Variants in KLF12 observed in about 807,000 individuals in gnomAD.
KLF12 encodes KLF transcription factor 12.
Under a neutral mutation model 37.8 loss-of-function variants are expected in KLF12, and 9 were observed. That is an observed-to-expected ratio of 0.24 (90% CI 0.14 to 0.42). The LOEUF (loss-of-function observed/expected upper bound fraction) is 0.42. Ranked by LOEUF, KLF12 falls within the 10% of genes least tolerant of loss-of-function variation. The pLI is 1.00. For missense variants in KLF12, 411 were observed against 516.0 expected (o/e 0.80, Z 1.97); for synonymous variants, 208 against 202.1 (o/e 1.03, Z -0.25).
the KLF12 span, among the ~76,000 whole-genome samples, chr13:74,189,371 C>G: frequency 6.6e-6 from 1 of 152,146 alleles, no homozygotes; most frequent in Admixed American, 6.5e-5. Flanking sequence ...ACGTCTATAT[C>G]TGGTACACGT....
At chr13:74,100,296 A>G (rs1216484313) in intron 1 of KLF12, among the ~76,000 whole-genome samples, 1 of 152,222 alleles carries the variant, frequency 6.6e-6, no homozygotes, top group African/African-American at 2.4e-5. Context: ...AATTGGAAAA[A>G]TAAGTATGAA....
At chr13:73,877,022 AAAAAG>A (rs1347910398) in intron 3 of KLF12, among the ~76,000 whole-genome samples, 3 of 152,146 alleles carry the variant, frequency 2.0e-5, no homozygotes, top group East Asian at 1.9e-4. Context: ...CAAAAAAAAA[AAAAAG>A]AAAAGAAAAG....
the KLF12 span, among the ~76,000 whole-genome samples, chr13:74,300,276 A>G: frequency 6.6e-6 from 1 of 152,214 alleles, no homozygotes; most frequent in East Asian, 1.9e-4. Flanking sequence ...TTCCTGACTC[A>G]TACATCTATC....
At position 73,777,487 on chromosome 13, in the gene KLF12, T is replaced by C. The variant is rs527849644; in HGVS notation, c.807-12487A>G. The stretch of plus-strand genomic sequence containing the variant: ...AGTTTGGGAGGCTGAAGGAGGCAGA[T>C]CACCTGAGGTTGGGAGTTCAAGACC... On this transcript the variant is annotated intron_variant, in intron 5 of 7. Coordinates refer to ENST00000377669, the MANE Select transcript of KLF12 (RefSeq NM_007249.5). Among the ~76,000 whole-genome samples, 452 of 152,214 alleles carry C rather than the reference T, an allele frequency of 3.0e-3. 4 individuals are homozygous for C. The highest frequency in any genetic ancestry group is 0.01 in the Middle Eastern group (3 of 292).
chr13:74,233,095 G>A, the KLF12 span, among the ~76,000 whole-genome samples: 1 of 152,132 alleles, frequency 6.6e-6, no homozygotes, highest in Admixed American at 6.5e-5. Flanking sequence ...ATGTTAGCCA[G>A]GATGGTCTTG....
chr13:73,976,969 C>T (rs562048256), intron 2 of KLF12, among the ~76,000 whole-genome samples: 42 of 151,594 alleles, frequency 2.8e-4, no homozygotes, highest in African/African-American at 9.4e-4. Flanking sequence ...TCAGTAAGGT[C>T]GCAGAAATTT....
chr13:73,936,233 C>T (rs1037630858), intron 3 of KLF12, among the ~76,000 whole-genome samples: 2 of 152,136 alleles, frequency 1.3e-5, no homozygotes, highest in African/African-American at 4.8e-5. Flanking sequence ...CTTTGGAGTG[C>T]ATTTTTGTTC....
chr13:73,801,166 T>C (rs991296157), intron 5 of KLF12: 3 of 152,148 alleles, frequency 2.0e-5, no homozygotes, highest in African/African-American at 7.2e-5. Context: ...GAATGTGTCC[T>C]TCACTTTTTT....
At chr13:74,027,345 T>C (rs1398320577) in intron 1 of KLF12, among the ~76,000 whole-genome samples, 1 of 152,188 alleles carries the variant, frequency 6.6e-6, no homozygotes, top group Admixed American at 6.5e-5. Flanking sequence ...ATCATCTAAT[T>C]CTACAGCTCA....
At chr13:74,194,541 C>T in the KLF12 span, among the ~76,000 whole-genome samples, 2 of 152,084 alleles carry the variant, frequency 1.3e-5, no homozygotes, top group Non-Finnish European at 2.9e-5. Context: ...TTCTTCAAAC[C>T]CTTTCATAAA....
chr13:74,177,432 C>A, the KLF12 span, among the ~76,000 whole-genome samples: 5 of 152,130 alleles, frequency 3.3e-5, no homozygotes, highest in Admixed American at 3.3e-4. Context: ...ACCTAGCAAG[C>A]AGTTCAGTGA....
At chr13:73,833,152 T>C (rs1309189499) in intron 4 of KLF12, among the ~76,000 whole-genome samples, 1 of 152,196 alleles carries the variant, frequency 6.6e-6, no homozygotes, top group Admixed American at 6.5e-5. Context: ...GCAGATTCTA[T>C]TAATTGCCTG....
chr13:73,858,913 T>G (rs1442252310), intron 3 of KLF12, among the ~76,000 whole-genome samples: 1 of 152,214 alleles, frequency 6.6e-6, no homozygotes, highest in Non-Finnish European at 1.5e-5. Flanking sequence ...AAATAAGTGT[T>G]ATAAAGACTG....
chr13:74,212,303 T>A, the KLF12 span, among the ~76,000 whole-genome samples: 1 of 152,172 alleles, frequency 6.6e-6, no homozygotes, highest in South Asian at 2.1e-4. Flanking sequence ...TGGGAAGAAA[T>A]GTTACCAACT....
At chr13:73,883,921 G>C (rs1257849535) in intron 3 of KLF12, among the ~76,000 whole-genome samples, 1 of 152,144 alleles carries the variant, frequency 6.6e-6, no homozygotes, top group African/African-American at 2.4e-5. Context: ...ATAAAATGGA[G>C]TGGCAGTCAA....
intron 3 of KLF12, among the ~76,000 whole-genome samples, chr13:73,852,002 G>A (rs1221907643): frequency 6.6e-6 from 1 of 152,114 alleles, no homozygotes; most frequent in Non-Finnish European, 1.5e-5. Flanking sequence ...TTTAAGAGAT[G>A]AGCACCATTC....
At chr13:73,739,161 G>A (rs1291895974) in intron 6 of KLF12, among the ~76,000 whole-genome samples, 5 of 151,776 alleles carry the variant, frequency 3.3e-5, no homozygotes, top group Non-Finnish European at 5.9e-5. Flanking sequence ...TTGAACCCAC[G>A]AGGTGGAGGC....
At chr13:73,956,262 G>T (rs1431962590) in intron 2 of KLF12, among the ~76,000 whole-genome samples, 1 of 152,186 alleles carries the variant, frequency 6.6e-6, no homozygotes, top group East Asian at 1.9e-4. Context: ...TACCCAGGAA[G>T]TTTCTATTAC....
chr13:74,015,537 A>G (rs1892666700), intron 1 of KLF12, among the ~76,000 whole-genome samples: 1 of 152,222 alleles, frequency 6.6e-6, no homozygotes, highest in South Asian at 2.1e-4. Flanking sequence ...GGTTGGGTGC[A>G]TGAGAGAATC....
Sources: allele counts gnomAD v4.1 joint callset (sites outside exome capture counted in the v4.1 genomes callset), GRCh38; gene constraint gnomAD v4.1.1; transcripts MANE v1.5; gene names NCBI Gene and HGNC (gene_info 2026-07-23, HGNC 2026-07-21).